Variants in DNAAF8 observed in about 807,000 individuals in gnomAD.
The protein encoded by DNAAF8 is dynein axonemal-associated protein 1.
In DNAAF8, 61 loss-of-function variants were observed where a neutral mutation model predicts 54.6. That is an observed-to-expected ratio of 1.12 (90% CI 0.91 to 1.38). DNAAF8 has a LOEUF of 1.38. DNAAF8 is among the 40% of genes most tolerant of loss of function. The pLI, the probability that DNAAF8 is intolerant of heterozygous loss-of-function variation, is 0.00. For synonymous variants in DNAAF8, 320 were observed against 270.1 expected (o/e 1.18, Z -1.81); for missense variants, 837 against 665.0 (o/e 1.26, Z -2.85).
At chr16:4,745,062 T>C in intron 6 of DNAAF8, 51 bp downstream of exon 6, 1 of 1,588,318 alleles carries the variant, frequency 6.3e-7, no homozygotes, top group Non-Finnish European at 8.6e-7. Context: ...AATGGCCCCA[T>C]GGTTTTGTAG....
At chr16:4,739,265 G>GTTTTTTTTTTTGTTTTTTTTTTTT in intron 3 of DNAAF8, among the ~76,000 whole-genome samples, 1 of 69,044 alleles carries the variant, frequency 1.4e-5, no homozygotes, top group Non-Finnish European at 2.6e-5. Flanking sequence ...ATTTTTTCTT[G>GTTTTTTTTTTTGTTTTTTTTTTTT]TTTTTTTTTT....
chr16:4,744,039 C>T lies in DNAAF8; in HGVS notation c.902-831C>T, dbSNP rs1479796703. Among the ~76,000 whole-genome samples, 3 of 151,454 alleles carry T rather than the reference C, an allele frequency of 2.0e-5. No homozygotes were observed. In the East Asian group the frequency reaches 5.8e-4, roughly 29 times the overall value. On this transcript the variant is annotated intron_variant, in intron 5 of 9. Transcript: ENST00000299320. Reference sequence around the variant, plus strand: ...CCACCTCCCGGGTTCAAGCGATTCTCCTGCCTCAGCCTCCTGAGTTGCTGG... The same window carrying T: ...CCACCTCCCGGGTTCAAGCGATTCTTCTGCCTCAGCCTCCTGAGTTGCTGG...
chr16:4,736,939 T>C (rs908116085), intron 2 of DNAAF8, among the ~76,000 whole-genome samples: 29 of 152,144 alleles, frequency 1.9e-4, no homozygotes, highest in Admixed American at 1.4e-3. Flanking sequence ...CCCAGGTCAA[T>C]TTGATGCAGA....
intron 5 of DNAAF8, chr16:4,743,394 G>A: frequency 2.4e-6 from 1 of 415,994 alleles, no homozygotes. Context: ...AGGGACAAAG[G>A]AGAGGCCTCC....
At position 4,744,927 on chromosome 16, in the gene DNAAF8, C is replaced by T. The variant is rs544091152; in HGVS notation, c.959C>T (p.Thr320Ile). Residue 320 changes from threonine to isoleucine, a missense_variant, in exon 6 of 10, where the codon ACC becomes ATC. Thr to Ile is a moderately conservative substitution (Grantham distance 89, BLOSUM62 -1). Coordinates refer to ENST00000299320, the MANE Select transcript of DNAAF8 (RefSeq NM_139170.3). Reference sequence around the variant, plus strand: ...ATGGAACAGCTGGCCCTCCTGTGCACCACGCAGTCCAAGGCCTCTGCTTGT... The same window carrying T: ...ATGGAACAGCTGGCCCTCCTGTGCATCACGCAGTCCAAGGCCTCTGCTTGT... ...RLMEQLALLC[T>I]TQSKASACAR... 2 of 1,613,890 alleles carry T rather than the reference C, an allele frequency of 1.2e-6. No individual in the cohort carries two copies. The highest frequency in any genetic ancestry group is 4.5e-5 in the East Asian group (2 of 44,880).
rs941704237 is a variant in DNAAF8 at position 4,743,235 on chromosome 16, C to G, written c.901+75C>G. 4 of 1,118,334 alleles carry G rather than the reference C, an allele frequency of 3.6e-6. No individual in the cohort carries two copies. The African/African-American group carries it at 6.4e-5, about 18-fold the overall frequency. 69.3% of individuals were successfully genotyped at this position (1,118,334 alleles called of 1,614,324 possible). On this transcript the variant is annotated intron_variant, in intron 5 of 9. Coordinates refer to ENST00000299320, the MANE Select transcript of DNAAF8 (RefSeq NM_139170.3). ...TCCTGGGCCCCTCAGACACAGAGGGCTGCAGGCTGGTCACAGACAGTCCTG... is the reference window on the plus strand; with the variant it reads ...TCCTGGGCCCCTCAGACACAGAGGGGTGCAGGCTGGTCACAGACAGTCCTG...
rs865925496 is a variant in DNAAF8 at position 4,736,595 on chromosome 16, C to T, written c.81C>T (p.Leu27=). The T allele has an allele frequency of 9.4e-6, 15 of 1,590,312 alleles. No homozygotes were observed. The East Asian group carries it at 3.4e-4, about 36-fold the overall frequency. ...AGATGGGGCCCTGGGATGCCATCCT[C>T]AAGGCTGTCAAAGACCAGCTCCCGT... ...ASQMGPWDAI[L]KAVKDQLPSL... The change falls in exon 2 of 10, where the codon CTC becomes CTT. Residue 27 remains leucine (L), a synonymous_variant. Coordinates refer to ENST00000299320, the MANE Select transcript of DNAAF8 (RefSeq NM_139170.3).
At chr16:4,744,410 C>G (rs759910688) in intron 5 of DNAAF8, among the ~76,000 whole-genome samples, 2 of 152,040 alleles carry the variant, frequency 1.3e-5, no homozygotes, top group Non-Finnish European at 2.9e-5. Context: ...CCAGCTAGAT[C>G]GTTTTAGCAC....
chr16:4,739,313 T>C (rs563798527), intron 3 of DNAAF8, among the ~76,000 whole-genome samples: 17 of 140,354 alleles, frequency 1.2e-4, no homozygotes, highest in Admixed American at 7.4e-4. Flanking sequence ...ACTAAAAAAT[T>C]AGCTGGGTGT....
intron 2 of DNAAF8, among the ~76,000 whole-genome samples, chr16:4,737,434 CAG>C (rs1157650694): frequency 1.3e-5 from 2 of 152,184 alleles, no homozygotes; most frequent in Admixed American, 6.5e-5. Flanking sequence ...CTCAGGGTCA[CAG>C]GGGATGGGGA....
chr16:4,745,458 G>A (rs2082003186), intron 6 of DNAAF8, among the ~76,000 whole-genome samples: 1 of 152,218 alleles, frequency 6.6e-6, no homozygotes, highest in African/African-American at 2.4e-5. Context: ...TCCTGCCACA[G>A]GGAGAAAGGC....
In DNAAF8 at chr16:4,747,019, G is replaced by T. The variant is rs762345694; in HGVS notation, c.1274G>T (p.Gly425Val). ...GAGGGGGCATCTCCTTCCTCCCTGG[G>T]GCTACGGTAACCACCCAGGGGCCTC... ...DAEGASPSSL[G>V]LRTCTGKSQL... The change falls in exon 8 of 10, where the codon GGG (glycine) becomes GTG (valine). Residue 425 changes from glycine (G) to valine (V), a missense_variant. By Grantham distance (109) the Gly-to-Val change is moderately radical. Transcript: ENST00000299320. 2.6e-6 allele frequency: 4 copies of T among 1,531,092 alleles called. No homozygotes were observed. Among genetic ancestry groups the T allele is most frequent in the Non-Finnish European group, 3.5e-6 (4 of 1,143,934 alleles). 94.8% of individuals were successfully genotyped at this position (1,531,092 alleles called of 1,614,324 possible). A position where few individuals can be genotyped will look rare whatever the true frequency, so the allele number is the denominator to read the frequency against.
chr16:4,743,403 C>G lies in DNAAF8; in HGVS notation c.901+243C>G, dbSNP rs1596485044. 5 of 389,180 alleles carry G rather than the reference C, an allele frequency of 1.3e-5. No individual in the cohort carries two copies. In the East Asian group the frequency reaches 2.6e-4, roughly 20 times the overall value. 24.1% of individuals were successfully genotyped at this position (389,180 alleles called of 1,614,324 possible). On this transcript the variant is annotated intron_variant, in intron 5 of 9. Coordinates refer to ENST00000299320, the MANE Select transcript of DNAAF8 (RefSeq NM_139170.3). ...GGTCCTAGGGACAAAGGAGAGGCCTCCGCACCCCACCCCATGACCCATACC... is the reference window on the plus strand; with the variant it reads ...GGTCCTAGGGACAAAGGAGAGGCCTGCGCACCCCACCCCATGACCCATACC...
chr16:4,738,313 G>T (rs1368927190), intron 3 of DNAAF8, among the ~76,000 whole-genome samples: 1 of 152,132 alleles, frequency 6.6e-6, no homozygotes, highest in Non-Finnish European at 1.5e-5. Flanking sequence ...TGGCTACCTG[G>T]CTCATCCCAG....
chr16:4,744,065 G>C (rs1196469617), intron 5 of DNAAF8, among the ~76,000 whole-genome samples: 4 of 151,756 alleles, frequency 2.6e-5, no homozygotes, highest in African/African-American at 9.7e-5. Flanking sequence ...GAGTTGCTGG[G>C]ATTACAGGCA....
intron 4 of DNAAF8, 104 bp from the exon 5 acceptor site, chr16:4,742,939 A>T: frequency 1.1e-6 from 1 of 930,864 alleles, no homozygotes. Flanking sequence ...TTCTACCCCC[A>T]ACATCCTGTG....
At chr16:4,744,749 C>A in intron 5 of DNAAF8, 121 bp from the exon 6 acceptor site, 2 of 1,251,838 alleles carry the variant, frequency 1.6e-6, no homozygotes, top group Non-Finnish European at 2.2e-6. Context: ...TGGGCGGGGG[C>A]AGTGGAGGAG....
chr16:4,736,411 C>G, intron 1 of DNAAF8, 53 bp from the exon 2 acceptor site: 1 of 1,287,562 alleles, frequency 7.8e-7, no homozygotes, highest in Non-Finnish European at 1.0e-6. Context: ...AGCCCCTGCT[C>G]TCCTGACCTT....
In DNAAF8 at chr16:4,746,417, G is replaced by A. The variant is rs61742417; in HGVS notation, c.1086G>A (p.Pro362=). ...AGGGCTCCCAGGCTGGGCCAGGCCC[G>A]CAGCTGGCCCAGGGCATGAGGCTTA... ...RKQGSQAGPG[P]QLAQGMRLNA... Residue 362 remains proline (P), a synonymous_variant, in exon 7 of 10, where the codon CCG becomes CCA. Coordinates refer to ENST00000299320, the MANE Select transcript of DNAAF8 (RefSeq NM_139170.3). The A allele has an allele frequency of 0.027, 43,202 of 1,613,180 alleles. 714 individuals carry two copies. The highest frequency in any genetic ancestry group is 0.032 in the Non-Finnish European group (37,552 of 1,179,510).
Sources: allele counts gnomAD v4.1 joint callset (sites outside exome capture counted in the v4.1 genomes callset), GRCh38; gene constraint gnomAD v4.1.1; transcripts MANE v1.5; gene names NCBI Gene and HGNC (gene_info 2026-07-23, HGNC 2026-07-21).